Variants in TRPC7 observed in about 807,000 individuals in gnomAD.
The protein encoded by TRPC7 is transient receptor potential cation channel subfamily C member 7.
A neutral mutation model predicts 90.1 loss-of-function variants in TRPC7; 42 were observed. The observed-to-expected ratio is 0.47, with a 90% CI of 0.36 to 0.60. The LOEUF is 0.60. Among genes scored for constraint, TRPC7 ranks in the 20% least tolerant of loss-of-function variants. The pLI is 0.00. For missense variants in TRPC7, 955 were observed against 1,112.3 expected (o/e 0.86, Z 2.01); for synonymous variants, 451 against 436.3 (o/e 1.03, Z -0.42).
At chr5:136,315,807 A>G (rs1206895874) in intron 2 of TRPC7, 28 bp from the exon 3 acceptor site, 1 of 1,604,372 alleles carries the variant, frequency 6.2e-7, no homozygotes, top group Non-Finnish European at 8.5e-7. Context: ...AATCAGCGGT[A>G]TGTCACATGG....
chr5:136,231,640 T>C, intron 7 of TRPC7, 91 bp from the exon 8 acceptor site: 3 of 1,268,820 alleles, frequency 2.4e-6, no homozygotes. Flanking sequence ...GGTCTCACTC[T>C]GTTGCCTAGG....
At chr5:136,300,090 A>G (rs1286288601) in intron 3 of TRPC7, among the ~76,000 whole-genome samples, 4 of 152,226 alleles carry the variant, frequency 2.6e-5, no homozygotes, top group African/African-American at 9.6e-5. Flanking sequence ...CTACTTAGGT[A>G]TTGAAACAGC....
intron 2 of TRPC7, among the ~76,000 whole-genome samples, chr5:136,326,346 A>G (rs1300638219): frequency 1.3e-5 from 2 of 152,256 alleles, no homozygotes; most frequent in African/African-American, 2.4e-5. Context: ...ATAGAATCAC[A>G]TATGGTTTAG....
rs988177100 is a variant in TRPC7 at position 136,279,536 on chromosome 5, T to A, written c.964-4699A>T. ...CAGAGGGTGCTGATGTGACTGGGTTTCCAGTCTGGTTATGTTGTCATGGCC... is the reference window on the plus strand; with the variant it reads ...CAGAGGGTGCTGATGTGACTGGGTTACCAGTCTGGTTATGTTGTCATGGCC... On this transcript the variant is annotated intron_variant, in intron 3 of 11. Coordinates refer to ENST00000513104, the MANE Select transcript of TRPC7 (RefSeq NM_020389.3). Among the ~76,000 whole-genome samples, 4 of 152,110 alleles carry A rather than the reference T, an allele frequency of 2.6e-5. No individual in the cohort carries two copies. The East Asian group carries it at 7.7e-4, about 29-fold the overall frequency.
chr5:136,295,195 G>A (rs1409845549), intron 3 of TRPC7, among the ~76,000 whole-genome samples: 1 of 152,016 alleles, frequency 6.6e-6, no homozygotes, highest in Non-Finnish European at 1.5e-5. Context: ...GCTAAATGAC[G>A]AGTTAATGGG....
chr5:136,334,451 C>T (rs1456513982), intron 2 of TRPC7, among the ~76,000 whole-genome samples: 1 of 152,202 alleles, frequency 6.6e-6, no homozygotes, highest in Non-Finnish European at 1.5e-5. Context: ...GCTCAAGGAG[C>T]ACAACACACA....
chr5:136,287,472 A>C (rs1265510794), intron 3 of TRPC7, among the ~76,000 whole-genome samples: 1 of 151,752 alleles, frequency 6.6e-6, no homozygotes, highest in Non-Finnish European at 1.5e-5. Flanking sequence ...TTGGAGGTAG[A>C]TGGACCCCCA....
At chr5:136,316,584 C>T (rs1296540411) in intron 2 of TRPC7, among the ~76,000 whole-genome samples, 2 of 152,174 alleles carry the variant, frequency 1.3e-5, no homozygotes, top group Admixed American at 6.5e-5. Context: ...AGATTTCTCT[C>T]TTCCTTTCCC....
At chr5:136,354,237 G>A (rs978867352) in intron 2 of TRPC7, among the ~76,000 whole-genome samples, 2 of 152,002 alleles carry the variant, frequency 1.3e-5, no homozygotes, top group African/African-American at 4.8e-5. Flanking sequence ...CCTTAATGTT[G>A]GTAGGTAAGG....
intron 3 of TRPC7, among the ~76,000 whole-genome samples, chr5:136,286,022 T>G (rs1757702649): frequency 6.6e-6 from 1 of 152,234 alleles, no homozygotes; most frequent in Admixed American, 6.5e-5. Flanking sequence ...ACATAAGCTT[T>G]ATAAGATCAA....
At chr5:136,333,669 G>T (rs1037329164) in intron 2 of TRPC7, among the ~76,000 whole-genome samples, 5 of 152,148 alleles carry the variant, frequency 3.3e-5, no homozygotes, top group African/African-American at 9.7e-5. Context: ...CGCAGTGGTG[G>T]TAAGGATACA....
chr5:136,266,939 T>A (rs1028737295), intron 4 of TRPC7, among the ~76,000 whole-genome samples: 1 of 152,240 alleles, frequency 6.6e-6, no homozygotes. Context: ...TTTTCACTTG[T>A]AGCATTTTCA....
rs762902421 is a variant in TRPC7, at chr5:136,247,670, C to T, written c.1645G>A (p.Val549Met). The T allele has an allele frequency of 1.8e-5, 29 of 1,613,846 alleles. No individual in the cohort carries two copies. Among genetic ancestry groups the T allele is most frequent in the Admixed American group, 8.3e-5 (5 of 59,994 alleles). The change falls in exon 7 of 12, where the codon GTG (valine) becomes ATG (methionine). Residue 549 changes from valine (V) to methionine (M), a missense_variant. Physicochemically the swap from Val to Met is conservative, Grantham distance 21. This residue lies in a region of TRPC7 where 296 missense variants were observed against 422.7 expected (regional missense o/e 0.70). Transcript: ENST00000513104. This position sits in a 1 kb window ranked among gnomAD's most constrained non-coding sequence, Gnocchi z 4.2. ...ISEGLYAIAV[V>M]LSFSRIAYIL... ...TATGCAATGCGAGAGAAGCTCAGCA[C>T]GACGGCTATCGCGTAGAGCCCTTCC... is the stretch of plus-strand genomic sequence containing the variant.
At chr5:136,334,747 T>C (rs3777149) in intron 2 of TRPC7, among the ~76,000 whole-genome samples, 13,227 of 152,292 alleles carry the variant, frequency 0.087, 735 homozygotes, top group Non-Finnish European at 0.13. Context: ...TTAATAAATG[T>C]TGTGTCAATT....
At position 136,325,919 on chromosome 5, in the gene TRPC7, C is replaced by A. The variant is rs187833120; in HGVS notation, c.781-10140G>T. On this transcript the variant is annotated intron_variant, in intron 2 of 11. Transcript: ENST00000513104. ...GGATCAAAGGCTACTCTCCCTACAACCCTCTCCCTTCCACCAGTGTCAGAT... is the reference window on the plus strand; with the variant it reads ...GGATCAAAGGCTACTCTCCCTACAAACCTCTCCCTTCCACCAGTGTCAGAT... Among the ~76,000 whole-genome samples the A allele has an allele frequency of 5.9e-3, 897 of 152,360 alleles. 4 individuals are homozygous for A. Among genetic ancestry groups the A allele is most frequent in the Non-Finnish European group, 0.01 (692 of 68,040 alleles).
At chr5:136,308,449 G>A (rs899819072) in intron 3 of TRPC7, among the ~76,000 whole-genome samples, 2 of 152,230 alleles carry the variant, frequency 1.3e-5, no homozygotes, top group African/African-American at 4.8e-5. Flanking sequence ...TTAAGTCTGA[G>A]CATCTGTTAA....
At chr5:136,269,518 G>A (rs1410006540) in intron 4 of TRPC7, among the ~76,000 whole-genome samples, 1 of 152,212 alleles carries the variant, frequency 6.6e-6, no homozygotes, top group Non-Finnish European at 1.5e-5. Flanking sequence ...GGCTGTGATT[G>A]TGGTAGATCA....
chr5:136,335,688 GGTC>G (rs1759634282), intron 2 of TRPC7, among the ~76,000 whole-genome samples: 2 of 151,720 alleles, frequency 1.3e-5, no homozygotes, highest in African/African-American at 4.8e-5. Context: ...CAGATCACGA[GGTC>G]AGGAGATCGA....
Position 136,225,334 on chromosome 5 carries a change from G to T in TRPC7, c.2283C>A (p.Gly761=), listed in dbSNP as rs1205535487. The part of the protein sequence containing the change: ...SKFKKTRYQA[G]MRNSENLTAN... Reference sequence around the variant, plus strand: ...CTGTCAGATTTTCAGAATTCCTCATGCCAGCCTGGTAGCGAGTCTTCTGGA... The same window carrying T: ...CTGTCAGATTTTCAGAATTCCTCATTCCAGCCTGGTAGCGAGTCTTCTGGA... Residue 761 remains glycine, a synonymous_variant, in exon 10 of 12, where the codon GGC becomes GGA. Transcript: ENST00000513104. 41 of 1,612,764 alleles carry T rather than the reference G, an allele frequency of 2.5e-5. No individual in the cohort carries two copies. The highest frequency in any genetic ancestry group is 3.4e-5 in the Non-Finnish European group (40 of 1,179,556).
Sources: gnomAD v4.1 joint callset for allele counts (sites outside exome capture counted in the v4.1 genomes callset) on GRCh38, gnomAD v4.1.1 for gene constraint, gnomAD v4.1.1 regional missense constraint, Gnocchi (gnomAD v3.1) non-coding constraint, MANE v1.5 for transcripts, NCBI Gene and HGNC (gene_info 2026-07-23, HGNC 2026-07-21) for gene names.